Variants in SCHIP1 observed in about 807,000 individuals in gnomAD.
SCHIP1 encodes schwannomin-interacting protein 1.
A neutral mutation model predicts 29.7 loss-of-function variants in SCHIP1; 8 were observed. That is an observed-to-expected ratio of 0.27 (90% CI 0.16 to 0.49). The LOEUF (loss-of-function observed/expected upper bound fraction) is 0.49, where lower values mean the gene tolerates loss of function less well. Among genes scored for constraint, SCHIP1 ranks in the 20% least tolerant of loss-of-function variants. The pLI is 0.99. For synonymous variants in SCHIP1, 76 were observed against 94.9 expected (o/e 0.80, Z 1.16); for missense variants, 193 against 294.6 (o/e 0.66, Z 2.52).
At chr3:159,359,014 G>A in the SCHIP1 span, among the ~76,000 whole-genome samples, 5 of 129,216 alleles carry the variant, frequency 3.9e-5, no homozygotes, top group East Asian at 2.6e-4. Flanking sequence ...TGCAACCTCC[G>A]CCTCCCTGGT....
chr3:159,774,692 T>G, the SCHIP1 span, among the ~76,000 whole-genome samples: 1 of 152,190 alleles, frequency 6.6e-6, no homozygotes, highest in African/African-American at 2.4e-5. Flanking sequence ...AGGTTGATAG[T>G]TTTTTAAAAG....
At chr3:159,736,522 G>A in the SCHIP1 span, among the ~76,000 whole-genome samples, 1 of 152,144 alleles carries the variant, frequency 6.6e-6, no homozygotes, top group African/African-American at 2.4e-5. Flanking sequence ...CTTTTCAGAT[G>A]TAATTCATTC....
At chr3:159,455,929 T>A in the SCHIP1 span, among the ~76,000 whole-genome samples, 12 of 152,292 alleles carry the variant, frequency 7.9e-5, no homozygotes, top group South Asian at 8.3e-4. Flanking sequence ...AAGGAAGAGA[T>A]GCCACCGTAA....
At chr3:159,375,757 T>TAAATAAATAAATAAATAAATAAAC in the SCHIP1 span, 1 of 882,232 alleles carries the variant, frequency 1.1e-6, no homozygotes, top group African/African-American at 1.9e-5. Context: ...AATAAATAAA[T>TAAATAAATAAATAAATAAATAAAC]AAACTGTTTG....
At chr3:159,554,019 TTTGTGTA>T in the SCHIP1 span, among the ~76,000 whole-genome samples, 1 of 88,838 alleles carries the variant, frequency 1.1e-5, no homozygotes, top group African/African-American at 5.0e-5. Flanking sequence ...TGTGTGTGTG[TTTGTGTA>T]TGTGTGTGTG....
the SCHIP1 span, among the ~76,000 whole-genome samples, chr3:159,693,811 T>C: frequency 5.3e-5 from 8 of 152,222 alleles, no homozygotes; most frequent in Non-Finnish European, 8.8e-5. Context: ...AGAGCCTTCT[T>C]AATTTTTAAG....
At chr3:159,787,606 CT>C in the SCHIP1 span, among the ~76,000 whole-genome samples, 5 of 152,250 alleles carry the variant, frequency 3.3e-5, no homozygotes, top group Admixed American at 2.0e-4. Context: ...TTTGGTTAAC[CT>C]TTGTCATTCG....
the SCHIP1 span, among the ~76,000 whole-genome samples, chr3:159,532,939 C>G: frequency 6.6e-6 from 1 of 152,068 alleles, no homozygotes; most frequent in Non-Finnish European, 1.5e-5. Context: ...TGAGTATGAC[C>G]AACAAGTATG....
At chr3:159,526,924 G>A in the SCHIP1 span, among the ~76,000 whole-genome samples, 1 of 152,308 alleles carries the variant, frequency 6.6e-6, no homozygotes, top group South Asian at 2.1e-4. Context: ...CCTAGTGTTT[G>A]TCAGGGCAGA....
chr3:159,448,835 G>C, the SCHIP1 span, among the ~76,000 whole-genome samples: 1 of 152,170 alleles, frequency 6.6e-6, no homozygotes, highest in Non-Finnish European at 1.5e-5. Context: ...GGTAGTCCAG[G>C]AGTGGATGGA....
At chr3:159,664,870 G>A in the SCHIP1 span, among the ~76,000 whole-genome samples, 1 of 152,208 alleles carries the variant, frequency 6.6e-6, no homozygotes, top group Admixed American at 6.5e-5. Flanking sequence ...CACCATCTGA[G>A]AACTTTTGAG....
chr3:159,345,655 C>T, the SCHIP1 span, among the ~76,000 whole-genome samples: 2,461 of 152,018 alleles, frequency 0.016, 57 homozygotes, highest in African/African-American at 0.056. Flanking sequence ...CTGTTCTCTC[C>T]TACTGCTTCT....
At chr3:159,419,035 C>T in the SCHIP1 span, among the ~76,000 whole-genome samples, 3 of 152,110 alleles carry the variant, frequency 2.0e-5, no homozygotes, top group Admixed American at 2.0e-4. Context: ...AAATCTAGTC[C>T]ACTTCTCATA....
the SCHIP1 span, among the ~76,000 whole-genome samples, chr3:159,707,246 T>G: frequency 4.6e-5 from 7 of 152,128 alleles, no homozygotes; most frequent in Non-Finnish European, 1.0e-4. Context: ...GTCAAGATCA[T>G]TGAATAAAAT....
chr3:159,519,717 A>G, the SCHIP1 span, among the ~76,000 whole-genome samples: 1 of 152,124 alleles, frequency 6.6e-6, no homozygotes. Context: ...TAAGGAAATT[A>G]TAAAAATGTG....
At chr3:159,353,508 GT>G in the SCHIP1 span, among the ~76,000 whole-genome samples, 5 of 151,916 alleles carry the variant, frequency 3.3e-5, no homozygotes, top group South Asian at 1.0e-3. Context: ...GAGATTTTAA[GT>G]TATACCACAA....
At chr3:159,540,249 CA>C in the SCHIP1 span, among the ~76,000 whole-genome samples, 2 of 152,046 alleles carry the variant, frequency 1.3e-5, no homozygotes, top group Non-Finnish European at 1.5e-5. Context: ...TTATTTATCT[CA>C]AACAGGCTCA....
the SCHIP1 span, among the ~76,000 whole-genome samples, chr3:159,677,896 T>C: frequency 6.6e-6 from 1 of 152,134 alleles, no homozygotes. Flanking sequence ...GGTGCAGTGG[T>C]GCCATCATAG....
At chr3:159,645,126 C>T in the SCHIP1 span, among the ~76,000 whole-genome samples, 1 of 151,976 alleles carries the variant, frequency 6.6e-6, no homozygotes, top group African/African-American at 2.4e-5. Context: ...GGGAAGAAAA[C>T]GTCAATGTAG....
Sources: allele counts gnomAD v4.1 joint callset (sites outside exome capture counted in the v4.1 genomes callset), GRCh38; gene constraint gnomAD v4.1.1; transcripts MANE v1.5; gene names NCBI Gene and HGNC (gene_info 2026-07-23, HGNC 2026-07-21).